SHANK2: variants seen among roughly 807,000 people sequenced by gnomAD.
The protein encoded by SHANK2 is SH3 and multiple ankyrin repeat domains protein 2.
Under a neutral mutation model 133.7 loss-of-function variants are expected in SHANK2, and 43 were observed. That is an observed-to-expected ratio of 0.32 (90% CI 0.25 to 0.41). The LOEUF is 0.41. Among genes scored for constraint, SHANK2 ranks in the 10% least tolerant of loss-of-function variants. The pLI is 1.00. For missense variants in SHANK2, 1,994 were observed against 2,235.8 expected (o/e 0.89, Z 2.18); for synonymous variants, 1,017 against 952.8 (o/e 1.07, Z -1.24).
chr11:70,599,858 A>T (rs1554990472), intron 17 of SHANK2, among the ~76,000 whole-genome samples: 1 of 104,436 alleles, frequency 9.6e-6, no homozygotes, highest in East Asian at 2.6e-4. Flanking sequence ...CGAAAGAAAG[A>T]AATAAAAAGA....
At chr11:70,870,216 G>A (rs1050478014) in intron 11 of SHANK2, among the ~76,000 whole-genome samples, 1 of 152,150 alleles carries the variant, frequency 6.6e-6, no homozygotes, top group Admixed American at 6.5e-5. Context: ...GCTCCACTTC[G>A]TTCCAGGGGA....
chr11:70,878,558 AT>A (rs1189183075), intron 11 of SHANK2, among the ~76,000 whole-genome samples: 2 of 152,188 alleles, frequency 1.3e-5, no homozygotes, highest in African/African-American at 2.4e-5. Flanking sequence ...GACCCTGCCT[AT>A]TAAGCCAATG....
chr11:70,504,226 T>A (rs1268844663), intron 17 of SHANK2, among the ~76,000 whole-genome samples: 1 of 145,482 alleles, frequency 6.9e-6, no homozygotes, highest in Non-Finnish European at 1.5e-5. Context: ...ACATCTGGTA[T>A]ACCCACAAAC....
In SHANK2 at chr11:71,077,620, C is replaced by T. The variant is rs980825078; in HGVS notation, c.913-2345G>A. Among the ~76,000 whole-genome samples, 726 of 152,012 alleles carry T rather than the reference C, an allele frequency of 4.8e-3. 2 individuals are homozygous for T. The highest frequency in any genetic ancestry group is 0.017 in the African/African-American group (689 of 41,458). ...GCAGTAATTTTTTTTTTTTAAGTGT[C>T]ATTTCGGCTAGTCTCTTCTTTCTGT... On this transcript the variant is annotated intron_variant, in intron 8 of 25. Coordinates refer to ENST00000601538, the MANE Select transcript of SHANK2 (RefSeq NM_012309.5).
At chr11:70,494,490 C>T (rs1026746808) in intron 21 of SHANK2, among the ~76,000 whole-genome samples, 5 of 152,120 alleles carry the variant, frequency 3.3e-5, no homozygotes, top group Non-Finnish European at 5.9e-5. Flanking sequence ...GACGGGGTTT[C>T]ACCATGTTGG....
intron 10 of SHANK2, among the ~76,000 whole-genome samples, chr11:70,934,261 A>AC (rs1950541204): frequency 6.6e-6 from 1 of 151,370 alleles, no homozygotes; most frequent in African/African-American, 2.4e-5. Context: ...AAAAAAAAAA[A>AC]AAACAGCAGC....
At chr11:70,929,001 C>T (rs773192914) in intron 10 of SHANK2, among the ~76,000 whole-genome samples, 7 of 152,098 alleles carry the variant, frequency 4.6e-5, no homozygotes, top group African/African-American at 9.7e-5. Context: ...GAGGTGCACA[C>T]GTGTCTTGTG....
chr11:71,133,370 G>C (rs1555104084), intron 3 of SHANK2, among the ~76,000 whole-genome samples: 245 of 45,476 alleles, frequency 5.4e-3, no homozygotes, highest in African/African-American at 0.017. Flanking sequence ...GGCTGGCTGG[G>C]TAGGTGGGTG....
rs141433141 is a variant in SHANK2 at position 71,144,540 on chromosome 11, T to G, written c.207+2580A>C. ...GTCCATCCTGCCAACCCAGGTGGAC[T>G]GAGAAGAGAGAAAAAAAATAAAGCA... On this transcript the variant is annotated intron_variant, in intron 3 of 25. Transcript: ENST00000601538. Among the ~76,000 whole-genome samples, 236 of 152,212 alleles carry G rather than the reference T, an allele frequency of 1.6e-3. 4 individuals carry two copies. In the East Asian group the frequency reaches 0.035, roughly 23 times the overall value.
At chr11:71,099,921 C>T (rs781868737) in intron 6 of SHANK2, among the ~76,000 whole-genome samples, 12 of 151,996 alleles carry the variant, frequency 7.9e-5, no homozygotes, top group Admixed American at 1.3e-4. Flanking sequence ...TAGTGGCATA[C>T]GCCTGTAGTC....
chr11:70,795,407 CTTTTT>C (rs71049944), intron 14 of SHANK2, among the ~76,000 whole-genome samples: 1 of 128,458 alleles, frequency 7.8e-6, no homozygotes, highest in Non-Finnish European at 1.6e-5. Flanking sequence ...CTTTCTTTTT[CTTTTT>C]TTTTTTTTTT....
intron 17 of SHANK2, among the ~76,000 whole-genome samples, chr11:70,641,371 G>A (rs2061179759): frequency 6.6e-6 from 1 of 152,144 alleles, no homozygotes; most frequent in Non-Finnish European, 1.5e-5. Context: ...GGGATTACAG[G>A]CATAAGCCAC....
At chr11:70,806,322 C>T (rs1445552618) in intron 13 of SHANK2, among the ~76,000 whole-genome samples, 1 of 152,230 alleles carries the variant, frequency 6.6e-6, no homozygotes, top group Admixed American at 6.5e-5. Flanking sequence ...ACCTCCGCAG[C>T]CCACACCTGC....
intron 17 of SHANK2, among the ~76,000 whole-genome samples, chr11:70,550,529 A>T (rs2059751518): frequency 6.6e-6 from 1 of 152,216 alleles, no homozygotes; most frequent in Non-Finnish European, 1.5e-5. Context: ...ACTGCTGCTC[A>T]GTGAAAATCT....
chr11:70,539,483 A>AGCTCACTCGCCAC (rs1554974768), intron 17 of SHANK2, among the ~76,000 whole-genome samples: 8 of 147,152 alleles, frequency 5.4e-5, no homozygotes, highest in Non-Finnish European at 9.0e-5. Flanking sequence ...GCACACAGAA[A>AGCTCACTCGCCAC]GCTCACTCGC....
chr11:71,208,843 A>T (rs950293193), intron 2 of SHANK2, among the ~76,000 whole-genome samples: 8 of 151,834 alleles, frequency 5.3e-5, no homozygotes, highest in Admixed American at 4.6e-4. Flanking sequence ...ACACACACAC[A>T]CTCTCTGACT....
intron 17 of SHANK2, among the ~76,000 whole-genome samples, chr11:70,576,731 G>T (rs1252667584): frequency 6.6e-6 from 1 of 152,176 alleles, no homozygotes; most frequent in Non-Finnish European, 1.5e-5. Context: ...CAGGGCCTCC[G>T]TTTCCCCATC....
At chr11:71,116,865 C>T (rs1951989868) in intron 4 of SHANK2, among the ~76,000 whole-genome samples, 1 of 152,192 alleles carries the variant, frequency 6.6e-6, no homozygotes, top group East Asian at 1.9e-4. Flanking sequence ...CACACCCCCT[C>T]TTGCCACCTA....
At chr11:71,097,869 T>G (rs1007264901) in intron 6 of SHANK2, among the ~76,000 whole-genome samples, 1 of 152,246 alleles carries the variant, frequency 6.6e-6, no homozygotes, top group African/African-American at 2.4e-5. Flanking sequence ...CACACCTATG[T>G]GCATGCCTGT....
Sources: gnomAD v4.1 joint callset for allele counts (sites outside exome capture counted in the v4.1 genomes callset) on GRCh38, gnomAD v4.1.1 for gene constraint, MANE v1.5 for transcripts, NCBI Gene and HGNC (gene_info 2026-07-23, HGNC 2026-07-21) for gene names.